The following LMBR1 variants were observed in gnomAD, a reference collection of about 807,000 sequenced individuals.
The protein encoded by LMBR1 is limb development membrane protein 1.
Under a neutral mutation model 73.9 loss-of-function variants are expected in LMBR1, and 52 were observed. The ratio of observed to expected loss-of-function variants is 0.70; its 90% CI spans 0.56 to 0.89. The LOEUF (loss-of-function observed/expected upper bound fraction) is 0.89. Among genes scored for constraint, LMBR1 ranks in the 40% least tolerant of loss-of-function variants. The pLI, the probability that LMBR1 is intolerant of heterozygous loss-of-function variation, is 0.00. For synonymous variants in LMBR1, 215 were observed against 209.4 expected (o/e 1.03, Z -0.23); for missense variants, 539 against 579.8 (o/e 0.93, Z 0.72).
intron 3 of LMBR1, 127 bp downstream of exon 3, chr7:156,833,626 T>C (rs1837071326): frequency 3.0e-6 from 2 of 662,764 alleles, no homozygotes; most frequent in Admixed American, 3.5e-5. Context: ...CTAAAATTAA[T>C]ATGATAAAGC....
downstream of LMBR1, chr7:156,676,363 C>T (rs1431811139): frequency 6.2e-6 from 10 of 1,613,752 alleles, no homozygotes; most frequent in Non-Finnish European, 8.5e-6. Flanking sequence ...GTTTAAGTAA[C>T]TTTCTGCTGT....
chr7:156,872,512 T>C (rs1799452166), intron 1 of LMBR1, among the ~76,000 whole-genome samples: 1 of 151,854 alleles, frequency 6.6e-6, no homozygotes, highest in East Asian at 1.9e-4. Context: ...CTGGGCGTGG[T>C]GGCGCATGCC....
intron 4 of LMBR1, chr7:156,822,357 T>A (rs991529975): frequency 1.3e-5 from 2 of 152,212 alleles, no homozygotes; most frequent in African/African-American, 4.8e-5. Flanking sequence ...GATAAAAGAC[T>A]GAGACTCTGA....
intron 8 of LMBR1, among the ~76,000 whole-genome samples, chr7:156,759,909 G>A (rs530702968): frequency 1.6e-4 from 24 of 152,200 alleles, no homozygotes; most frequent in African/African-American, 5.5e-4. Context: ...AGCTAATTCC[G>A]ACTGGCTATT....
At chr7:156,885,275 T>C (rs938584575) in intron 1 of LMBR1, among the ~76,000 whole-genome samples, 57 of 149,170 alleles carry the variant, frequency 3.8e-4, no homozygotes, top group African/African-American at 1.2e-3. Flanking sequence ...ATCACTGGAA[T>C]CTGGAAGGCG....
At chr7:156,684,722 C>A (rs537069974) in intron 16 of LMBR1, among the ~76,000 whole-genome samples, 48 of 152,248 alleles carry the variant, frequency 3.2e-4, no homozygotes, top group Middle Eastern at 3.4e-3. Flanking sequence ...TTCAGGAGGC[C>A]GAGGTGGAAG....
At position 156,680,395 on chromosome 7, in the gene LMBR1, A is replaced by AGTGTGT. The variant is rs1194019914; in HGVS notation, c.*3682_*3683insACACAC. On this transcript the variant is annotated 3_prime_UTR_variant, in exon 17 of 17. Transcript: ENST00000353442. ...GAGAGACAGAGAGAGAGAGAGAGAG[A>AGTGTGT]GAGAGAGAGTGTGTGTGTGTGTGTG... 1 of 138,086 alleles carries AGTGTGT rather than the reference A, an allele frequency of 7.2e-6. No homozygotes were observed. The highest frequency in any genetic ancestry group is 1.5e-5 in the Non-Finnish European group (1 of 64,802). The allele number at this position is 138,086 out of a possible 1,614,324, so 8.6% of individuals were successfully genotyped here.
intron 3 of LMBR1, among the ~76,000 whole-genome samples, chr7:156,830,122 C>T (rs1249681964): frequency 1.3e-5 from 2 of 152,122 alleles, no homozygotes; most frequent in African/African-American, 2.4e-5. Context: ...AATTGATAAG[C>T]ACTACTTCCT....
At chr7:156,887,159 A>C (rs1047766461) in intron 1 of LMBR1, among the ~76,000 whole-genome samples, 1 of 152,224 alleles carries the variant, frequency 6.6e-6, no homozygotes, top group Non-Finnish European at 1.5e-5. Flanking sequence ...AAATTATTAC[A>C]TGAGTATTTA....
At chr7:156,693,131 T>C (rs1298269537) in intron 15 of LMBR1, among the ~76,000 whole-genome samples, 2 of 152,156 alleles carry the variant, frequency 1.3e-5, no homozygotes, top group African/African-American at 4.8e-5. Flanking sequence ...AAATGTCTTA[T>C]GTACTTGTGA....
At chr7:156,727,069 A>T (rs563180455) in intron 12 of LMBR1, among the ~76,000 whole-genome samples, 2 of 152,320 alleles carry the variant, frequency 1.3e-5, no homozygotes, top group South Asian at 4.1e-4. Context: ...CTTATCTTAA[A>T]TAAGTTTGTC....
rs908409304 is a variant in LMBR1 at position 156,681,444 on chromosome 7, G to A, written c.*2634C>T. 4.4e-5 allele frequency: 7 copies of A among 158,500 alleles called. No individual in the cohort carries two copies. The highest frequency in any genetic ancestry group is 9.6e-5 in the African/African-American group (4 of 41,502). 9.8% of individuals were successfully genotyped at this position (158,500 alleles called of 1,614,324 possible). A position where few individuals can be genotyped will look rare whatever the true frequency, so the allele number is the denominator to read the frequency against. ...TATTTTTACAGAGAATGTACATAAA[G>A]CTACGTAAATAGTAAATCTAAGAAG... On this transcript the variant is annotated 3_prime_UTR_variant, in exon 17 of 17. Transcript: ENST00000353442.
chr7:156,736,764 T>C (rs1817951435), intron 9 of LMBR1: 1 of 316,256 alleles, frequency 3.2e-6, no homozygotes, highest in African/African-American at 2.2e-5. Flanking sequence ...CATAGCAAAC[T>C]ATGACCAGCT....
At chr7:156,872,454 C>T (rs1178116736) in intron 1 of LMBR1, among the ~76,000 whole-genome samples, 2 of 151,864 alleles carry the variant, frequency 1.3e-5, no homozygotes, top group South Asian at 2.1e-4. Flanking sequence ...TCGAGACCAC[C>T]CAGACCAACG....
intron 5 of LMBR1, among the ~76,000 whole-genome samples, chr7:156,791,762 G>A (rs762302757): frequency 1.3e-5 from 2 of 152,192 alleles, no homozygotes; most frequent in East Asian, 1.9e-4. Context: ...CCTACAGACC[G>A]TGTGCTACGC....
intron 9 of LMBR1, chr7:156,736,640 T>A: frequency 2.2e-6 from 1 of 456,384 alleles, no homozygotes; most frequent in Non-Finnish European, 4.4e-6. Context: ...GACACAAGTG[T>A]CTGAGCCACA....
In LMBR1 at chr7:156,669,809, G is replaced by A. The variant is rs1487201591; in HGVS notation, n.867-522C>T. 6.6e-6 allele frequency among the ~76,000 whole-genome samples: 1 copy of A among 152,228 alleles called. No individual in the cohort carries two copies. The highest frequency in any genetic ancestry group is 6.5e-5 in the Admixed American group (1 of 15,288). On this transcript the variant is annotated intron_variant and non_coding_transcript_variant, in intron 4 of 4. Coordinates refer to the LMBR1 transcript ENST00000430825. This position sits in a 1 kb window ranked among gnomAD's most constrained non-coding sequence, Gnocchi z 4.2. ...CTCTGCAGGGCGTGCCCATGGAGGG[G>A]AGGCTCAAAATAACCAGATGAGACG... is the stretch of plus-strand genomic sequence containing the variant.
intron 4 of LMBR1, among the ~76,000 whole-genome samples, chr7:156,671,258 G>A (rs1051093163): frequency 1.2e-4 from 19 of 152,140 alleles, no homozygotes; most frequent in Admixed American, 3.9e-4. Flanking sequence ...AACACAAAGC[G>A]GACTGAGTGC....
At chr7:156,677,390 G>A (rs1804265487), downstream of LMBR1, among the ~76,000 whole-genome samples, 3 of 152,156 alleles carry the variant, frequency 2.0e-5, no homozygotes, top group Admixed American at 6.5e-5. Context: ...GGTGAGGCAG[G>A]GCGAGGGTAC....
Sources: allele counts gnomAD v4.1 joint callset (sites outside exome capture counted in the v4.1 genomes callset), GRCh38; gene constraint gnomAD v4.1.1; non-coding constraint Gnocchi (gnomAD v3.1); transcripts MANE v1.5; gene names NCBI Gene and HGNC (gene_info 2026-07-23, HGNC 2026-07-21).